The following PRKN variants were observed in gnomAD, a reference collection of about 807,000 sequenced individuals.
The protein encoded by PRKN is parkin RBR E3 ubiquitin protein ligase.
PRKN carries 56 observed loss-of-function variants against 59.5 expected under a neutral mutation model. That is an observed-to-expected ratio of 0.94 (90% confidence interval 0.76 to 1.18). The LOEUF (loss-of-function observed/expected upper bound fraction) is 1.18. PRKN is among the 50% of genes most tolerant of loss of function. The probability of loss-of-function intolerance (pLI) is 0.00; values close to 1 mark genes in which losing one functional copy is unlikely to be tolerated. For synonymous variants in PRKN, 250 were observed against 222.1 expected (o/e 1.13, Z -1.12); for missense variants, 657 against 596.4 (o/e 1.10, Z -1.06).
intron 3 of PRKN, among the ~76,000 whole-genome samples, chr6:162,229,148 T>A (rs544371496): frequency 3.2e-4 from 48 of 152,320 alleles, no homozygotes; most frequent in Non-Finnish European, 5.9e-4. Flanking sequence ...TCTCCCTGAC[T>A]CATCTGCCTT....
At position 161,616,423 on chromosome 6, in the gene PRKN, T is replaced by A. The variant is rs894571228; in HGVS notation, c.872-47007A>T. 1.2e-4 allele frequency among the ~76,000 whole-genome samples: 18 copies of A among 149,216 alleles called. No individual in the cohort carries two copies. The East Asian group carries it at 1.8e-3, about 15-fold the overall frequency. On this transcript the variant is annotated intron_variant, in intron 7 of 11. Coordinates refer to ENST00000366898, the MANE Select transcript of PRKN (RefSeq NM_004562.3). ...TTCCATGTGTTCTTTTTTTTTTTTT[T>A]AATTATACTTTAAGTGCTGGGATAC...
chr6:161,976,403 G>A (rs1254585112), intron 5 of PRKN, among the ~76,000 whole-genome samples: 1 of 152,220 alleles, frequency 6.6e-6, no homozygotes, highest in African/African-American at 2.4e-5. Flanking sequence ...TTGCTGGAGT[G>A]GACAGGATGT....
chr6:161,501,581 A>C (rs1209048911), intron 9 of PRKN, among the ~76,000 whole-genome samples: 1 of 150,726 alleles, frequency 6.6e-6, no homozygotes, highest in South Asian at 2.1e-4. Flanking sequence ...CTTTTTTTTT[A>C]ATGGTTGGTC....
intron 1 of PRKN, among the ~76,000 whole-genome samples, chr6:162,552,300 T>C (rs1269614935): frequency 1.3e-5 from 2 of 152,018 alleles, no homozygotes; most frequent in Admixed American, 1.3e-4. Flanking sequence ...AAAACGGGGT[T>C]TTAGCAGGAA....
chr6:162,600,156 C>T (rs1781644758), intron 1 of PRKN, among the ~76,000 whole-genome samples: 1 of 152,170 alleles, frequency 6.6e-6, no homozygotes, highest in South Asian at 2.1e-4. Context: ...TTCCCTAACT[C>T]TCAGCAGTAA....
At chr6:161,509,541 T>C (rs1317501157) in intron 9 of PRKN, among the ~76,000 whole-genome samples, 1 of 151,640 alleles carries the variant, frequency 6.6e-6, no homozygotes, top group Non-Finnish European at 1.5e-5. Flanking sequence ...TTTCTTCACA[T>C]GAGAATGCCC....
At chr6:162,526,316 TA>T (rs34844863) in intron 1 of PRKN, among the ~76,000 whole-genome samples, 1,716 of 111,514 alleles carry the variant, frequency 0.015, 16 homozygotes, top group African/African-American at 0.041. Flanking sequence ...TCATTAGAAG[TA>T]AAAAAAAAAA....
chr6:161,728,307 T>C (rs1468640788), intron 7 of PRKN, among the ~76,000 whole-genome samples: 4 of 152,024 alleles, frequency 2.6e-5, no homozygotes, highest in Admixed American at 2.6e-4. Context: ...ATTCTCAAAA[T>C]GAAACCAATA....
At chr6:161,725,740 A>C (rs1787415212) in intron 7 of PRKN, among the ~76,000 whole-genome samples, 1 of 152,230 alleles carries the variant, frequency 6.6e-6, no homozygotes, top group South Asian at 2.1e-4. Flanking sequence ...TTCCTCATCC[A>C]CAAAATAAAG....
At chr6:162,040,533 G>A (rs1185968131) in intron 5 of PRKN, among the ~76,000 whole-genome samples, 1 of 148,110 alleles carries the variant, frequency 6.8e-6, no homozygotes, top group Non-Finnish European at 1.5e-5. Flanking sequence ...AGACTCCCAA[G>A]TAACTGGGAT....
chr6:162,239,201 T>C (rs1778879345), intron 3 of PRKN, among the ~76,000 whole-genome samples: 1 of 152,104 alleles, frequency 6.6e-6, no homozygotes, highest in South Asian at 2.1e-4. Context: ...CCTGGAAAAC[T>C]GGAACTACAT....
intron 2 of PRKN, among the ~76,000 whole-genome samples, chr6:162,354,541 C>T (rs1361229393): frequency 6.6e-6 from 1 of 151,900 alleles, no homozygotes; most frequent in Non-Finnish European, 1.5e-5. Flanking sequence ...ATGAAGTATG[C>T]ATAAAAATAA....
intron 9 of PRKN, among the ~76,000 whole-genome samples, chr6:161,415,304 T>G (rs922922106): frequency 6.6e-6 from 1 of 151,990 alleles, no homozygotes; most frequent in Non-Finnish European, 1.5e-5. Flanking sequence ...ACTCCAAGAT[T>G]ACGAACATTT....
At chr6:162,151,912 T>G (rs1041710000) in intron 4 of PRKN, among the ~76,000 whole-genome samples, 4 of 152,130 alleles carry the variant, frequency 2.6e-5, no homozygotes, top group Non-Finnish European at 4.4e-5. Context: ...ATTATTTTAC[T>G]AAAACACAAA....
chr6:162,665,327 C>T (rs1028981663), intron 1 of PRKN, among the ~76,000 whole-genome samples: 2 of 152,066 alleles, frequency 1.3e-5, no homozygotes, highest in African/African-American at 4.8e-5. Context: ...TAAGTAACTT[C>T]AGCAAAGTCT....
At chr6:162,367,965 C>A (rs536546193) in intron 2 of PRKN, among the ~76,000 whole-genome samples, 1 of 152,062 alleles carries the variant, frequency 6.6e-6, no homozygotes, top group African/African-American at 2.4e-5. Context: ...CTCCCAGTCA[C>A]GGAGGAGTGG....
intron 4 of PRKN, among the ~76,000 whole-genome samples, chr6:162,152,434 C>G (rs941925423): frequency 5.9e-5 from 9 of 152,282 alleles, no homozygotes; most frequent in Non-Finnish European, 1.0e-4. Flanking sequence ...TCTAACTGGC[C>G]CGCTATCATT....
chr6:161,645,937 A>G (rs112155211), intron 7 of PRKN, among the ~76,000 whole-genome samples: 26,292 of 101,456 alleles, frequency 0.26, 2,565 homozygotes, highest in Middle Eastern at 0.39. Context: ...CTGCGTGTGC[A>G]TGCGTGGCGG....
In PRKN at chr6:161,448,854, T is replaced by A. The variant is rs1273225379; in HGVS notation, c.1084-61977A>T. 6.6e-6 allele frequency among the ~76,000 whole-genome samples: 1 copy of A among 152,168 alleles called. No individual in the cohort carries two copies. The highest frequency in any genetic ancestry group is 1.5e-5 in the Non-Finnish European group (1 of 68,022). ...GTTAACCTTCCCAAATGAGTGGCAC[T>A]ATTATTTTAAAATAAAAGCGTTCAA... On this transcript the variant is annotated intron_variant, in intron 9 of 11. Coordinates refer to ENST00000366898, the MANE Select transcript of PRKN (RefSeq NM_004562.3). This position sits in a 1 kb window ranked among gnomAD's most constrained non-coding sequence, Gnocchi z 5.1.
Sources: allele counts gnomAD v4.1 joint callset (sites outside exome capture counted in the v4.1 genomes callset), GRCh38; gene constraint gnomAD v4.1.1; non-coding constraint Gnocchi (gnomAD v3.1); transcripts MANE v1.5; gene names NCBI Gene and HGNC (gene_info 2026-07-23, HGNC 2026-07-21).